The following IL20RB variants were observed in gnomAD, a reference collection of about 807,000 sequenced individuals.
IL20RB encodes interleukin-20 receptor subunit beta.
In IL20RB, 21 loss-of-function variants were observed where a neutral mutation model predicts 33.3. The ratio of observed to expected loss-of-function variants is 0.63; its 90% CI spans 0.45 to 0.91. IL20RB has a LOEUF of 0.91. Among genes scored for constraint, IL20RB ranks in the 40% least tolerant of loss-of-function variants. IL20RB has a pLI of 0.00. For missense variants in IL20RB, 345 were observed against 384.8 expected (o/e 0.90, Z 0.86); for synonymous variants, 147 against 146.8 (o/e 1.00, Z -0.01).
At chr3:136,983,053 GT>G (rs1337328829) in intron 3 of IL20RB, among the ~76,000 whole-genome samples, 1 of 152,052 alleles carries the variant, frequency 6.6e-6, no homozygotes, top group African/African-American at 2.4e-5. Context: ...TCAGTAGAGG[GT>G]AGCCAATGAA....
At chr3:136,987,106 A>C (rs1941919916) in intron 3 of IL20RB, among the ~76,000 whole-genome samples, 1 of 152,142 alleles carries the variant, frequency 6.6e-6, no homozygotes, top group South Asian at 2.1e-4. Flanking sequence ...CAAAGCTTCC[A>C]CAGTGTGGAA....
chr3:136,974,911 A>G (rs991038001), intron 1 of IL20RB, among the ~76,000 whole-genome samples: 6 of 152,100 alleles, frequency 3.9e-5, no homozygotes, highest in African/African-American at 1.2e-4. Flanking sequence ...TTTCAAATGT[A>G]TTTTGTATTT....
At chr3:136,988,422 C>A (rs544660751) in intron 3 of IL20RB, among the ~76,000 whole-genome samples, 15 of 152,148 alleles carry the variant, frequency 9.9e-5, no homozygotes, top group African/African-American at 3.6e-4. Flanking sequence ...GCTGTAATTT[C>A]TAGAGTTGAT....
chr3:137,005,816 A>G (rs2344091), intron 6 of IL20RB, among the ~76,000 whole-genome samples: 93,477 of 151,996 alleles, frequency 0.61, 29,204 homozygotes, highest in East Asian at 0.91. Context: ...TATGATGTTA[A>G]CTAGTTATTT....
intron 5 of IL20RB, among the ~76,000 whole-genome samples, chr3:136,992,796 G>A (rs1453412685): frequency 1.3e-5 from 2 of 151,890 alleles, no homozygotes; most frequent in Non-Finnish European, 2.9e-5. Context: ...TAGAGACAAG[G>A]TCTTGCTCTG....
rs776564185 is a variant in IL20RB at position 136,958,177 on chromosome 3, G to T, written c.64G>T (p.Ala22Ser). ...AAGTCTTTTCATGTGGTTTTTCTACGCATTGATTCCATGTTTGCTCACAGG... is the reference window on the plus strand; with the variant it reads ...AAGTCTTTTCATGTGGTTTTTCTACTCATTGATTCCATGTTTGCTCACAGG... The part of the protein sequence containing the change: ...WTSLFMWFFY[A>S]LIPCLLTDEV... The change falls in exon 1 of 7, where the codon GCA (alanine) becomes TCA (serine). Residue 22 changes from alanine to serine, a missense_variant. Transcript: ENST00000329582. 15 of 1,608,362 alleles carry T rather than the reference G, an allele frequency of 9.3e-6. No homozygotes were observed. The highest frequency in any genetic ancestry group is 9.4e-6 in the Non-Finnish European group (11 of 1,174,866).
chr3:136,990,469 A>G (rs1184843700), intron 4 of IL20RB, among the ~76,000 whole-genome samples: 2 of 151,900 alleles, frequency 1.3e-5, no homozygotes, highest in African/African-American at 4.8e-5. Flanking sequence ...TCCCTCATCA[A>G]TGCTTCCTAC....
chr3:136,991,953 G>A lies in IL20RB; in HGVS notation c.547G>A (p.Val183Met). 3 of 1,614,138 alleles carry A rather than the reference G, an allele frequency of 1.9e-6. No individual in the cohort carries two copies. The highest frequency in any genetic ancestry group is 2.5e-6 in the Non-Finnish European group (3 of 1,179,980). The change falls in exon 5 of 7, where the codon GTG becomes ATG. Residue 183 changes from valine (V) to methionine (M), a missense_variant. Val to Met is a conservative substitution (Grantham distance 21, BLOSUM62 1). Transcript: ENST00000329582. ...TCTGTCAAAGGAACATGTCAAAATG[G>A]TGAGGAGTGGGGGTATTCCAGTGCA... ...EPGAEEHVKMVRSGGIPVHLE... is the reference protein window; with the variant it reads ...EPGAEEHVKMMRSGGIPVHLE...
chr3:136,963,362 T>C (rs535075931), intron 1 of IL20RB, among the ~76,000 whole-genome samples: 3 of 152,234 alleles, frequency 2.0e-5, no homozygotes, highest in Non-Finnish European at 4.4e-5. Context: ...TACAAGAAAC[T>C]GCCAAACTAT....
At chr3:136,980,344 G>A (rs1941738374) in intron 1 of IL20RB, 122 bp from the exon 2 acceptor site, 1 of 1,071,390 alleles carries the variant, frequency 9.3e-7, no homozygotes, top group Non-Finnish European at 1.4e-6. Flanking sequence ...GGAGTGCAGT[G>A]GTGCAATCTC....
At chr3:136,969,485 T>G (rs1941410326) in intron 1 of IL20RB, 1 of 136,534 alleles carries the variant, frequency 7.3e-6, no homozygotes, top group Admixed American at 7.5e-5. Flanking sequence ...ACCCCTTTCT[T>G]TGACTCGGAA....
chr3:136,997,033 G>T (rs2108214019), intron 6 of IL20RB, among the ~76,000 whole-genome samples: 1 of 151,586 alleles, frequency 6.6e-6, no homozygotes, highest in South Asian at 2.1e-4. Context: ...TTGTATAGTT[G>T]TTTTAATATT....
intron 3 of IL20RB, among the ~76,000 whole-genome samples, chr3:136,984,562 C>T (rs769758315): frequency 4.0e-5 from 6 of 151,620 alleles, no homozygotes; most frequent in Non-Finnish European, 5.9e-5. Flanking sequence ...TTGCAGCATT[C>T]GGATGAGTCA....
chr3:137,002,578 G>A (rs1942267260), intron 6 of IL20RB, among the ~76,000 whole-genome samples: 2 of 151,296 alleles, frequency 1.3e-5, no homozygotes, highest in Non-Finnish European at 2.9e-5. Flanking sequence ...GTCTCCTTTT[G>A]AGAAGTGTCT....
chr3:136,970,766 C>T (rs1941458654), intron 1 of IL20RB, among the ~76,000 whole-genome samples: 1 of 151,964 alleles, frequency 6.6e-6, no homozygotes, highest in African/African-American at 2.4e-5. Context: ...GATTCTCCTG[C>T]CTCAGCCTCC....
At chr3:136,991,036 C>T (rs1942021779) in intron 4 of IL20RB, among the ~76,000 whole-genome samples, 1 of 152,168 alleles carries the variant, frequency 6.6e-6, no homozygotes, top group Non-Finnish European at 1.5e-5. Flanking sequence ...TAGGCTTGGT[C>T]CAGGCAAGCC....
Position 137,010,273 on chromosome 3 carries a change from G to A in IL20RB, c.*50G>A, listed in dbSNP as rs758221188. ...CCGAGAACCTGGTCTGCATGACATG[G>A]AAACCATGAGGGGACAAGTTGTGTT... On this transcript the variant is annotated 3_prime_UTR_variant, in exon 7 of 7. Coordinates refer to ENST00000329582, the MANE Select transcript of IL20RB (RefSeq NM_144717.4). 1.2e-6 allele frequency: 1 copy of A among 851,750 alleles called. No individual in the cohort carries two copies. Among genetic ancestry groups the A allele is most frequent in the South Asian group, 1.4e-5 (1 of 73,684 alleles). The allele number at this position is 851,750 out of a possible 1,614,324, so 52.8% of individuals were successfully genotyped here. A position where few individuals can be genotyped will look rare whatever the true frequency, so the allele number is the denominator to read the frequency against.
chr3:136,971,124 A>C (rs1356533268), intron 1 of IL20RB, among the ~76,000 whole-genome samples: 1 of 151,748 alleles, frequency 6.6e-6, no homozygotes, highest in South Asian at 2.1e-4. Context: ...ATTCCTTCTA[A>C]CTATATGTTT....
rs755597823 is a variant in IL20RB, at chr3:136,982,167, G to A, written c.223G>A (p.Glu75Lys). ...YYSVEYQGEY[E>K]SLYTSHIWIP... ...CCCTCCTCTCTTTGACAGGGAGTAC[G>A]AGAGCCTGTACACGAGCCACATCTG... Residue 75 changes from glutamate (E) to lysine (K), a missense_variant, in exon 3 of 7, where the codon GAG (glutamate) becomes AAG (lysine). Glu to Lys is a moderately conservative substitution (Grantham distance 56). Coordinates refer to ENST00000329582, the MANE Select transcript of IL20RB (RefSeq NM_144717.4). 1 of 1,573,632 alleles carries A rather than the reference G, an allele frequency of 6.4e-7. No individual in the cohort carries two copies. The highest frequency in any genetic ancestry group is 1.1e-5 in the South Asian group (1 of 87,586).
Sources: allele counts gnomAD v4.1 joint callset (sites outside exome capture counted in the v4.1 genomes callset), GRCh38; gene constraint gnomAD v4.1.1; transcripts MANE v1.5; gene names NCBI Gene and HGNC (gene_info 2026-07-23, HGNC 2026-07-21).